FOXP2: variants seen among roughly 807,000 people sequenced by gnomAD.
The protein encoded by FOXP2 is forkhead box P2.
FOXP2 carries 12 observed loss-of-function variants against 115.8 expected under a neutral mutation model. The ratio of observed to expected loss-of-function variants is 0.10; its 90% CI spans 0.07 to 0.17. The LOEUF (loss-of-function observed/expected upper bound fraction) is 0.17. Among genes scored for constraint, FOXP2 ranks in the 10% least tolerant of loss-of-function variants. The probability of loss-of-function intolerance (pLI) is 1.00; values close to 1 mark genes in which losing one functional copy is unlikely to be tolerated. For synonymous variants in FOXP2, 328 were observed against 297.7 expected (o/e 1.10, Z -1.05); for missense variants, 629 against 843.5 (o/e 0.75, Z 3.15).
chr7:114,184,414 A>G (rs749215870), intron 1 of FOXP2, among the ~76,000 whole-genome samples: 2 of 152,178 alleles, frequency 1.3e-5, no homozygotes, highest in African/African-American at 2.4e-5. Flanking sequence ...TCCATAAGAT[A>G]TGAAATTATT....
At chr7:114,623,255 A>C (rs954148683) in intron 3 of FOXP2, among the ~76,000 whole-genome samples, 2 of 151,982 alleles carry the variant, frequency 1.3e-5, no homozygotes, top group African/African-American at 4.8e-5. Flanking sequence ...ACAATGGTGC[A>C]GATTTGTTTG....
At chr7:114,245,628 C>G (rs529556208) in intron 1 of FOXP2, among the ~76,000 whole-genome samples, 1 of 152,156 alleles carries the variant, frequency 6.6e-6, no homozygotes, top group African/African-American at 2.4e-5. Context: ...ATTTGCTTGG[C>G]ATTTTAGTTC....
At chr7:114,136,669 C>A (rs1308406392) in intron 1 of FOXP2, among the ~76,000 whole-genome samples, 2 of 150,228 alleles carry the variant, frequency 1.3e-5, no homozygotes, top group South Asian at 2.1e-4. Context: ...ATAAATGAGT[C>A]TAAGCTAGCA....
intron 2 of FOXP2, among the ~76,000 whole-genome samples, chr7:114,292,974 C>T (rs749766486): frequency 1.3e-5 from 2 of 152,252 alleles, no homozygotes; most frequent in Non-Finnish European, 2.9e-5. Context: ...ATATATACCT[C>T]GAATAACCCT....
intron 1 of FOXP2, among the ~76,000 whole-genome samples, chr7:114,203,478 G>A (rs527301208): frequency 6.6e-6 from 1 of 152,196 alleles, no homozygotes; most frequent in East Asian, 1.9e-4. Flanking sequence ...GACTACAAGT[G>A]TGCGCCACCA....
chr7:114,314,209 A>G (rs941157339), intron 2 of FOXP2, among the ~76,000 whole-genome samples: 3 of 150,624 alleles, frequency 2.0e-5, no homozygotes, highest in African/African-American at 7.3e-5. Context: ...AAGTAATGAA[A>G]CAGCATTATA....
chr7:114,508,786 C>T (rs984459033), intron 2 of FOXP2, among the ~76,000 whole-genome samples: 1 of 152,118 alleles, frequency 6.6e-6, no homozygotes, highest in Middle Eastern at 3.4e-3. Flanking sequence ...TAGTAGGTTA[C>T]TCTGATAAGC....
At chr7:114,161,755 C>T (rs1792841310), upstream of FOXP2, among the ~76,000 whole-genome samples, 1 of 151,952 alleles carries the variant, frequency 6.6e-6, no homozygotes, top group African/African-American at 2.4e-5. Flanking sequence ...GGGATGTGAT[C>T]CAGGTAATGG....
Position 114,327,372 on chromosome 7 carries a change from T to C in FOXP2, c.-11+39263T>C, listed in dbSNP as rs188429925. On this transcript the variant is annotated intron_variant, in intron 2 of 17. Coordinates refer to the FOXP2 transcript ENST00000634411. ...TCTGGTCTATCAAACTGAAATTTAA[T>C]TTATTAAATTTAGTCACCATTTAAT... is the stretch of plus-strand genomic sequence containing the variant. Among the ~76,000 whole-genome samples, 226 of 152,334 alleles carry C rather than the reference T, an allele frequency of 1.5e-3. 2 individuals are homozygous for C. Among genetic ancestry groups the C allele is most frequent in the African/African-American group, 5.1e-3 (212 of 41,584 alleles).
At chr7:114,593,417 C>T (rs1029612196) in intron 3 of FOXP2, among the ~76,000 whole-genome samples, 1 of 151,940 alleles carries the variant, frequency 6.6e-6, no homozygotes, top group African/African-American at 2.4e-5. Context: ...CAACCAGCCA[C>T]GCTTGTCCAT....
rs189392883 is a variant in FOXP2, at chr7:114,166,474, G to A, written c.-102+3386G>A. On this transcript the variant is annotated intron_variant, in intron 1 of 17. Transcript: ENST00000634411. ...ATCCCAACACTTTGGGAGTTCCGACGTGGGCAGATCACGAGGTCAGGAGAT... is the reference window on the plus strand; with the variant it reads ...ATCCCAACACTTTGGGAGTTCCGACATGGGCAGATCACGAGGTCAGGAGAT... Among the ~76,000 whole-genome samples, 239 of 152,244 alleles carry A rather than the reference G, an allele frequency of 1.6e-3. 1 individual carries two copies. Among genetic ancestry groups the A allele is most frequent in the African/African-American group, 5.2e-3 (218 of 41,538 alleles).
chr7:114,143,549 A>G (rs1792284995), intron 1 of FOXP2, among the ~76,000 whole-genome samples: 1 of 152,064 alleles, frequency 6.6e-6, no homozygotes. Context: ...TTCTCTGCTA[A>G]TTGTAATTAC....
intron 1 of FOXP2, among the ~76,000 whole-genome samples, chr7:114,269,109 A>G (rs1795972790): frequency 6.6e-6 from 1 of 152,196 alleles, no homozygotes; most frequent in Non-Finnish European, 1.5e-5. Context: ...AATAGGGCCT[A>G]TACTTTATGC....
intron 2 of FOXP2, among the ~76,000 whole-genome samples, chr7:114,383,408 G>C (rs1792360237): frequency 6.6e-6 from 1 of 152,070 alleles, no homozygotes; most frequent in Non-Finnish European, 1.5e-5. Context: ...GGACCGTTTG[G>C]GTTGAAGGGG....
intron 1 of FOXP2, among the ~76,000 whole-genome samples, chr7:114,271,574 T>C (rs1343981557): frequency 1.6e-5 from 2 of 125,998 alleles, no homozygotes; most frequent in Admixed American, 9.8e-5. Flanking sequence ...ATAATATAAT[T>C]TATATATTAA....
intron 2 of FOXP2, among the ~76,000 whole-genome samples, chr7:114,458,062 T>C (rs1244656892): frequency 6.6e-6 from 1 of 152,048 alleles, no homozygotes; most frequent in African/African-American, 2.4e-5. Context: ...CCCATATAAA[T>C]CAAAGGAAAA....
chr7:114,477,951 A>G (rs1217394072), intron 2 of FOXP2, among the ~76,000 whole-genome samples: 1 of 151,808 alleles, frequency 6.6e-6, no homozygotes, highest in Non-Finnish European at 1.5e-5. Context: ...CACTGCCCCA[A>G]AGTTCTACAA....
chr7:114,287,653 C>T (rs771726329), intron 1 of FOXP2, among the ~76,000 whole-genome samples: 14 of 151,900 alleles, frequency 9.2e-5, no homozygotes, highest in Admixed American at 2.0e-4. Flanking sequence ...GTTATGTTTT[C>T]AGTTAAGAAA....
chr7:114,542,953 A>G (rs895866665), intron 3 of FOXP2, among the ~76,000 whole-genome samples: 2 of 151,608 alleles, frequency 1.3e-5, no homozygotes, highest in East Asian at 1.9e-4. Flanking sequence ...ACCATGCCCA[A>G]CTAATTTTTG....
Sources: gnomAD v4.1 joint callset for allele counts (sites outside exome capture counted in the v4.1 genomes callset) on GRCh38, gnomAD v4.1.1 for gene constraint, MANE v1.5 for transcripts, NCBI Gene and HGNC (gene_info 2026-07-23, HGNC 2026-07-21) for gene names.